Variants in TAFA1 observed in about 807,000 individuals in gnomAD.
The protein encoded by TAFA1 is chemokine-like protein TAFA-1.
TAFA1 carries 4 observed loss-of-function variants against 18.5 expected under a neutral mutation model. The observed-to-expected ratio is 0.22, with a 90% CI of 0.11 to 0.49. TAFA1 has a LOEUF of 0.49. TAFA1 is among the 20% of genes least tolerant of loss of function. The pLI, the probability that TAFA1 is intolerant of heterozygous loss-of-function variation, is 0.98. For missense variants in TAFA1, 147 were observed against 169.0 expected (o/e 0.87, Z 0.72); for synonymous variants, 56 against 55.2 (o/e 1.01, Z -0.06).
intron 2 of TAFA1, among the ~76,000 whole-genome samples, chr3:68,032,085 G>T (rs975999769): frequency 1.3e-5 from 2 of 151,902 alleles, no homozygotes; most frequent in African/African-American, 4.8e-5. Context: ...ATATCATGTA[G>T]GTACCTTCAT....
intron 2 of TAFA1, among the ~76,000 whole-genome samples, chr3:68,036,669 T>G (rs540416113): frequency 6.6e-6 from 1 of 152,182 alleles, no homozygotes; most frequent in South Asian, 2.1e-4. Context: ...GGTAAATCCA[T>G]GTGAGGTTAG....
rs149190280 is a variant in TAFA1 at position 68,413,718 on chromosome 3, A to G, written c.119-3562A>G. On this transcript the variant is annotated intron_variant, in intron 2 of 4. Transcript: ENST00000478136. ...CAATAATGTCATCAGAAAATTATAT[A>G]CTGTGTTTGAAAGTTACAGGTGTTG... 8.9e-3 allele frequency among the ~76,000 whole-genome samples: 1,351 copies of G among 152,240 alleles called. 13 individuals are homozygous for G. Among genetic ancestry groups the G allele is most frequent in the Non-Finnish European group, 0.015 (996 of 68,028 alleles).
At chr3:68,544,232 G>T (rs1222068286) in intron 4 of TAFA1, among the ~76,000 whole-genome samples, 1 of 152,086 alleles carries the variant, frequency 6.6e-6, no homozygotes, top group East Asian at 1.9e-4. Flanking sequence ...GATAGGCATT[G>T]CTCCAGGAGC....
the TAFA1 span, among the ~76,000 whole-genome samples, chr3:67,996,116 ATCT>A: frequency 4.0e-3 from 606 of 152,340 alleles, 6 homozygotes; most frequent in African/African-American, 0.014. Context: ...GGAAATGATT[ATCT>A]TCTTCAACAG....
intron 2 of TAFA1, among the ~76,000 whole-genome samples, chr3:68,268,380 C>A (rs1039043008): frequency 6.6e-6 from 1 of 152,182 alleles, no homozygotes; most frequent in Admixed American, 6.5e-5. Flanking sequence ...AGACCAAAAA[C>A]GTGTGGCCCC....
intron 2 of TAFA1, among the ~76,000 whole-genome samples, chr3:68,362,357 A>G (rs1459163393): frequency 6.6e-6 from 1 of 152,134 alleles, no homozygotes; most frequent in African/African-American, 2.4e-5. Context: ...AGCAATAACC[A>G]CAGAGGTGGC....
chr3:68,139,796 C>A (rs1307444518), intron 2 of TAFA1, among the ~76,000 whole-genome samples: 4 of 152,192 alleles, frequency 2.6e-5, no homozygotes, highest in African/African-American at 9.6e-5. Flanking sequence ...TCATCTCCTG[C>A]TCTATTTCAA....
intron 2 of TAFA1, among the ~76,000 whole-genome samples, chr3:68,137,746 G>A (rs2065624593): frequency 6.6e-6 from 1 of 152,110 alleles, no homozygotes; most frequent in African/African-American, 2.4e-5. Flanking sequence ...ATCACAAGAG[G>A]CCTGTAAGGA....
chr3:68,339,996 A>G (rs1419484100), intron 2 of TAFA1, among the ~76,000 whole-genome samples: 1 of 152,186 alleles, frequency 6.6e-6, no homozygotes, highest in East Asian at 1.9e-4. Context: ...GGAGTTTCCT[A>G]TCCTTTTTAT....
In TAFA1 at chr3:68,307,561, G is replaced by C. The variant is rs534741328; in HGVS notation, c.119-109719G>C. ...TCAAACTTACTGTATATATGGCTTT[G>C]TCCAGTTCTTATTTGTGGTTTTATT... On this transcript the variant is annotated intron_variant, in intron 2 of 4. Transcript: ENST00000478136. 2.6e-5 allele frequency among the ~76,000 whole-genome samples: 4 copies of C among 152,130 alleles called. No homozygotes were observed. The East Asian group carries it at 7.7e-4, about 29-fold the overall frequency.
intron 2 of TAFA1, among the ~76,000 whole-genome samples, chr3:68,386,410 T>G (rs776029031): frequency 2.6e-5 from 4 of 152,160 alleles, no homozygotes. Flanking sequence ...TTGTTTGTTT[T>G]TTTAGTTGTC....
chr3:68,104,869 C>G (rs1421913377), intron 2 of TAFA1, among the ~76,000 whole-genome samples: 2 of 152,052 alleles, frequency 1.3e-5, no homozygotes, highest in Non-Finnish European at 2.9e-5. Context: ...CTGTAGCAGT[C>G]TGCTTTTGCA....
chr3:68,297,772 A>G (rs1173999805), intron 2 of TAFA1, among the ~76,000 whole-genome samples: 1 of 151,788 alleles, frequency 6.6e-6, no homozygotes, highest in Non-Finnish European at 1.5e-5. Flanking sequence ...CTTCTGTATT[A>G]AGAATATTTC....
At chr3:68,375,567 A>G (rs1295118166) in intron 2 of TAFA1, among the ~76,000 whole-genome samples, 1 of 152,196 alleles carries the variant, frequency 6.6e-6, no homozygotes, top group African/African-American at 2.4e-5. Context: ...AAAAGTCAAT[A>G]TCAGATTAAC....
intron 3 of TAFA1, among the ~76,000 whole-genome samples, chr3:68,431,282 A>G (rs1422964186): frequency 2.0e-5 from 3 of 152,034 alleles, no homozygotes; most frequent in Non-Finnish European, 2.9e-5. Flanking sequence ...CTTCAAGCAC[A>G]TAAGTTTGAG....
chr3:68,377,163 T>G (rs1001654788), intron 2 of TAFA1, among the ~76,000 whole-genome samples: 1 of 152,008 alleles, frequency 6.6e-6, no homozygotes, highest in Non-Finnish European at 1.5e-5. Flanking sequence ...GAGAGTTGGG[T>G]GCTGCTATAA....
chr3:68,186,883 T>C (rs1451105377), intron 2 of TAFA1, among the ~76,000 whole-genome samples: 2 of 152,036 alleles, frequency 1.3e-5, no homozygotes, highest in Admixed American at 1.3e-4. Flanking sequence ...AAACATACCA[T>C]GGGCCTAGCC....
chr3:68,472,503 T>C (rs1002880532), intron 3 of TAFA1, among the ~76,000 whole-genome samples: 8 of 141,132 alleles, frequency 5.7e-5, no homozygotes, highest in African/African-American at 2.3e-4. Context: ...TAGAACTAAA[T>C]ACACACACAC....
chr3:68,478,594 A>C (rs2072149905), intron 3 of TAFA1, among the ~76,000 whole-genome samples: 1 of 152,172 alleles, frequency 6.6e-6, no homozygotes, highest in Non-Finnish European at 1.5e-5. Flanking sequence ...ATAAAATATG[A>C]ATAATCAGTT....
Sources: allele counts gnomAD v4.1 joint callset (sites outside exome capture counted in the v4.1 genomes callset), GRCh38; gene constraint gnomAD v4.1.1; transcripts MANE v1.5; gene names NCBI Gene and HGNC (gene_info 2026-07-23, HGNC 2026-07-21).